Variants in PARD3 observed in about 807,000 individuals in gnomAD.
PARD3 encodes the protein par-3 family cell polarity regulator.
Under a neutral mutation model 155.4 loss-of-function variants are expected in PARD3, and 75 were observed. The observed-to-expected ratio is 0.48, with a 90% CI of 0.40 to 0.58. PARD3 has a LOEUF of 0.58. Among genes scored for constraint, PARD3 ranks in the 20% least tolerant of loss-of-function variants. PARD3 has a pLI of 0.00. For missense variants in PARD3, 1,642 were observed against 1,721.7 expected, an observed-to-expected ratio of 0.95 and a Z score of 0.82; for synonymous variants, 576 against 610.5, an observed-to-expected ratio of 0.94 and a Z score of 0.83.
intron 1 of PARD3, among the ~76,000 whole-genome samples, chr10:34,697,338 C>T (rs1489031908): frequency 6.6e-6 from 1 of 152,172 alleles, no homozygotes; most frequent in Non-Finnish European, 1.5e-5. Context: ...TTCAATCCTC[C>T]ATTCTTCATA....
intron 2 of PARD3, among the ~76,000 whole-genome samples, chr10:34,608,294 C>A (rs189656650): frequency 2.6e-4 from 40 of 152,272 alleles, no homozygotes; most frequent in East Asian, 5.8e-4. Context: ...AATTACTACC[C>A]GCACCCATAG....
At chr10:34,599,520 C>G (rs145695196) in intron 2 of PARD3, among the ~76,000 whole-genome samples, 29 of 152,264 alleles carry the variant, frequency 1.9e-4, no homozygotes, top group Admixed American at 1.9e-3. Context: ...TCTTAAGAGA[C>G]AACTCAGACT....
chr10:34,611,807 CTTTT>C (rs397829689), intron 2 of PARD3, among the ~76,000 whole-genome samples: 92 of 109,220 alleles, frequency 8.4e-4, no homozygotes, highest in African/African-American at 3.1e-3. Flanking sequence ...ACATTTCTTT[CTTTT>C]TTTTTTTTTT....
At chr10:34,440,949 T>C (rs762624301) in intron 5 of PARD3, among the ~76,000 whole-genome samples, 2 of 151,964 alleles carry the variant, frequency 1.3e-5, no homozygotes. Flanking sequence ...AAAGAGAATA[T>C]AAGGAATGGA....
intron 2 of PARD3, among the ~76,000 whole-genome samples, chr10:34,659,730 C>G (rs1464804899): frequency 6.6e-6 from 1 of 152,136 alleles, no homozygotes; most frequent in Non-Finnish European, 1.5e-5. Flanking sequence ...CAGGATAATA[C>G]TATTAATTTC....
chr10:34,606,053 T>C (rs1039087864), intron 2 of PARD3, among the ~76,000 whole-genome samples: 10 of 143,782 alleles, frequency 7.0e-5, no homozygotes, highest in Non-Finnish European at 1.5e-4. Flanking sequence ...CTTCTATATA[T>C]ATATATGAGG....
At chr10:34,299,442 C>T (rs17470791) in intron 20 of PARD3, among the ~76,000 whole-genome samples, 11,296 of 152,250 alleles carry the variant, frequency 0.074, 573 homozygotes, top group Non-Finnish European at 0.1. Context: ...TCTAATCAGA[C>T]GGCTGTCCAC....
Position 34,382,931 on chromosome 10 carries a change from G to A in PARD3, c.1017-9C>T, listed in dbSNP as rs573382533. 2.2e-5 allele frequency: 36 copies of A among 1,611,274 alleles called. No individual in the cohort carries two copies. Among genetic ancestry groups the A allele is most frequent in the Middle Eastern group, 1.7e-4 (1 of 6,042 alleles). On this transcript the variant is annotated splice_polypyrimidine_tract_variant and intron_variant, in intron 8 of 24. Transcript: ENST00000374788. ...GAAACATATGTTGTGCTCTGGGTTT[G>A]AGAAAGAATAGAAAATTAGCAAATT...
intron 1 of PARD3, among the ~76,000 whole-genome samples, chr10:34,812,765 T>A (rs1844355048): frequency 6.6e-6 from 1 of 152,108 alleles, no homozygotes. Flanking sequence ...CTCCCTCTCA[T>A]CTCCAACTCC....
intron 5 of PARD3, among the ~76,000 whole-genome samples, chr10:34,410,796 CA>C (rs1844969379): frequency 6.6e-6 from 1 of 152,156 alleles, no homozygotes; most frequent in Non-Finnish European, 1.5e-5. Flanking sequence ...CTGTGGGAGA[CA>C]GAGACAGTGT....
intron 1 of PARD3, among the ~76,000 whole-genome samples, chr10:34,706,986 C>T (rs773664448): frequency 5.9e-5 from 9 of 151,998 alleles, no homozygotes; most frequent in Admixed American, 3.3e-4. Context: ...TAGCTCACAC[C>T]TGTAATCCTA....
chr10:34,746,646 T>G (rs1422544325), intron 1 of PARD3, among the ~76,000 whole-genome samples: 1 of 150,210 alleles, frequency 6.7e-6, no homozygotes, highest in African/African-American at 2.5e-5. Flanking sequence ...TTCACTGATT[T>G]CACTACTTTT....
intron 5 of PARD3, among the ~76,000 whole-genome samples, chr10:34,429,311 T>G (rs1477522833): frequency 6.6e-6 from 1 of 152,168 alleles, no homozygotes; most frequent in Non-Finnish European, 1.5e-5. Context: ...ACAAAGTTAC[T>G]TCTGTCTAGA....
chr10:34,657,028 A>C (rs2093187773), intron 2 of PARD3, among the ~76,000 whole-genome samples: 2 of 152,228 alleles, frequency 1.3e-5, no homozygotes, highest in Non-Finnish European at 2.9e-5. Flanking sequence ...TCTGTGTAGA[A>C]TTACGATCTG....
At chr10:34,614,403 A>C (rs1402811470) in intron 2 of PARD3, among the ~76,000 whole-genome samples, 2 of 152,244 alleles carry the variant, frequency 1.3e-5, no homozygotes, top group Non-Finnish European at 2.9e-5. Flanking sequence ...AAAGCCATAA[A>C]TTTAAAAGAA....
Position 34,309,547 on chromosome 10 carries a change from C to CAAAAAAAAAA in PARD3, c.3065+7559_3065+7560insTTTTTTTTTT, listed in dbSNP as rs1323865538. Among the ~76,000 whole-genome samples, 3 of 46,648 alleles carry CAAAAAAAAAA rather than the reference C, an allele frequency of 6.4e-5. No homozygotes were observed. The Admixed American group carries it at 9.0e-4, about 14-fold the overall frequency. The allele number at this position is 46,648 out of a possible 152,430, so 30.6% of individuals were successfully genotyped here. ...ACTCCTGCTGAGCAAGACCCTGTCT[C>CAAAAAAAAAA]CAAAAAAAAAAAAAAAAAAAAAAAA... On this transcript the variant is annotated intron_variant, in intron 20 of 24. Transcript: ENST00000374788.
intron 12 of PARD3, among the ~76,000 whole-genome samples, chr10:34,371,536 C>T (rs1207995386): frequency 7.6e-5 from 3 of 39,328 alleles, no homozygotes; most frequent in Non-Finnish European, 1.7e-4. Context: ...AAAAAAACAA[C>T]GAAGGAATAT....
intron 5 of PARD3, among the ~76,000 whole-genome samples, chr10:34,409,743 G>A (rs535287079): frequency 1.4e-4 from 21 of 152,210 alleles, no homozygotes; most frequent in African/African-American, 5.1e-4. Flanking sequence ...GCTTACCAGA[G>A]TAACACTTAT....
chr10:34,762,364 A>T (rs1242401567), intron 1 of PARD3, among the ~76,000 whole-genome samples: 1 of 150,780 alleles, frequency 6.6e-6, no homozygotes, highest in African/African-American at 2.4e-5. Flanking sequence ...CACGATCACA[A>T]CTCACTGCAG....
Sources: gnomAD v4.1 joint callset for allele counts (sites outside exome capture counted in the v4.1 genomes callset) on GRCh38, gnomAD v4.1.1 for gene constraint, MANE v1.5 for transcripts, NCBI Gene and HGNC (gene_info 2026-07-23, HGNC 2026-07-21) for gene names.